The following SLC2A10 variants were observed in gnomAD, a reference collection of about 807,000 sequenced individuals.
The protein encoded by SLC2A10 is solute carrier family 2, facilitated glucose transporter member 10.
Under a neutral mutation model 32.1 loss-of-function variants are expected in SLC2A10, and 25 were observed. The observed-to-expected ratio is 0.78, with a 90% CI of 0.57 to 1.09. The LOEUF is 1.09. Among genes scored for constraint, SLC2A10 ranks in the 50% least tolerant of loss-of-function variants. The pLI is 0.00. For synonymous variants in SLC2A10, 332 were observed against 309.6 expected, an observed-to-expected ratio of 1.07 and a Z score of -0.76; for missense variants, 673 against 686.5, an observed-to-expected ratio of 0.98 and a Z score of 0.22.
At chr20:46,709,799 C>G in intron 1 of SLC2A10, 59 bp downstream of exon 1, 1 of 1,539,804 alleles carries the variant, frequency 6.5e-7, no homozygotes. Context: ...GGTGTAGACA[C>G]CGCCCCCACG....
In SLC2A10 at chr20:46,717,117, G is replaced by T. The variant is rs1979292792; in HGVS notation, c.4+7377G>T. 3.3e-5 allele frequency among the ~76,000 whole-genome samples: 5 copies of T among 152,296 alleles called. No individual in the cohort carries two copies. In the South Asian group the frequency reaches 1.0e-3, roughly 32 times the overall value. On this transcript the variant is annotated intron_variant, in intron 1 of 4. Coordinates refer to ENST00000359271, the MANE Select transcript of SLC2A10 (RefSeq NM_030777.4). ...TGGCTAGTGACTATCATATTGCACA[G>T]CATGGTTATAGAAATTTCTGTCATT... is the stretch of plus-strand genomic sequence containing the variant.
intron 3 of SLC2A10, among the ~76,000 whole-genome samples, chr20:46,728,307 G>A (rs139474065): frequency 2.9e-3 from 440 of 152,268 alleles, no homozygotes; most frequent in African/African-American, 0.01. Context: ...AGGTATGGAC[G>A]TGGCTGTCAG....
intron 1 of SLC2A10, chr20:46,714,622 A>C (rs571832471): frequency 6.5e-6 from 1 of 152,798 alleles, no homozygotes; most frequent in Admixed American, 6.5e-5. Flanking sequence ...GAAAGCATAC[A>C]GTATGTGCCG....
intron 1 of SLC2A10, among the ~76,000 whole-genome samples, chr20:46,710,592 G>A (rs991101883): frequency 2.0e-5 from 3 of 152,196 alleles, no homozygotes; most frequent in Non-Finnish European, 4.4e-5. Context: ...GGAGTAGGAC[G>A]TTTTGGAGCT....
chr20:46,735,444 T>C lies in SLC2A10; in HGVS notation c.*1610T>C, dbSNP rs1352059901. On this transcript the variant is annotated 3_prime_UTR_variant, in exon 5 of 5. Transcript: ENST00000359271. ...GATTTAAATTTATAATTAAGTAAAT[T>C]ACATTAAAACAAAAAAATTATACTC... The C allele has an allele frequency of 6.6e-6, 1 of 152,462 alleles. No homozygotes were observed. The highest frequency in any genetic ancestry group is 2.4e-5 in the African/African-American group (1 of 41,446). The allele number at this position is 152,462 out of a possible 1,614,324, so 9.4% of individuals were successfully genotyped here.
At chr20:46,708,565 C>A (rs1054187175), upstream of SLC2A10, among the ~76,000 whole-genome samples, 1 of 152,192 alleles carries the variant, frequency 6.6e-6, no homozygotes, top group African/African-American at 2.4e-5. Context: ...TAAGTTCTTA[C>A]GGAGCATATA....
Position 46,726,075 on chromosome 20 carries a change from C to T in SLC2A10, c.1039C>T (p.Leu347=). 1.2e-6 allele frequency: 2 copies of T among 1,614,252 alleles called. No individual in the cohort carries two copies. Among genetic ancestry groups the T allele is most frequent in the Non-Finnish European group, 1.7e-6 (2 of 1,180,042 alleles). ...GACAGGCCTCCCTGGAGACTCTGGCCTGCTGCAGGACTCCTCTCTACCTCC... is the reference window on the plus strand; with the variant it reads ...GACAGGCCTCCCTGGAGACTCTGGCTTGCTGCAGGACTCCTCTCTACCTCC... ...GQTGLPGDSG[L]LQDSSLPPIP... is the part of the protein sequence containing the mutation. Residue 347 remains leucine (L), a synonymous_variant, in exon 2 of 5, where the codon CTG becomes TTG. Coordinates refer to ENST00000359271, the MANE Select transcript of SLC2A10 (RefSeq NM_030777.4).
intron 1 of SLC2A10, among the ~76,000 whole-genome samples, chr20:46,717,951 G>A (rs1864628364): frequency 6.6e-6 from 1 of 152,130 alleles, no homozygotes. Flanking sequence ...GCCATGCATG[G>A]TGACTCACGC....
rs1461036468 is a variant in SLC2A10, at chr20:46,729,855, C to G, written c.1547+367C>G. Among the ~76,000 whole-genome samples the G allele has an allele frequency of 2.0e-5, 3 of 152,082 alleles. No individual in the cohort carries two copies. In the South Asian group the frequency reaches 6.2e-4, roughly 32 times the overall value. ...GACGGGGTTTCACCGTGGTCTCGATCTCCTGACCTCGTGATCCGCCCGCCT... is the reference window on the plus strand; with the variant it reads ...GACGGGGTTTCACCGTGGTCTCGATGTCCTGACCTCGTGATCCGCCCGCCT... On this transcript the variant is annotated intron_variant, in intron 4 of 4. Transcript: ENST00000359271.
chr20:46,726,096 C>A lies in SLC2A10; in HGVS notation c.1060C>A (p.Pro354Thr). Residue 354 changes from proline (P) to threonine (T), a missense_variant, in exon 2 of 5, where the codon CCT becomes ACT. Physicochemically the swap from Pro to Thr is conservative, Grantham distance 38 (BLOSUM62 -1). Coordinates refer to ENST00000359271, the MANE Select transcript of SLC2A10 (RefSeq NM_030777.4). ...DSGLLQDSSLPPIPRTNEDQR... is the reference protein window; with the variant it reads ...DSGLLQDSSLTPIPRTNEDQR... ...TGGCCTGCTGCAGGACTCCTCTCTA[C>A]CTCCCATTCCAAGGACCAATGAGGA... The A allele has an allele frequency of 1.2e-6, 2 of 1,614,262 alleles. No homozygotes were observed. Among genetic ancestry groups the A allele is most frequent in the Non-Finnish European group, 1.7e-6 (2 of 1,180,042 alleles).
At chr20:46,727,554 C>G (rs1980046519) in intron 3 of SLC2A10, among the ~76,000 whole-genome samples, 1 of 152,118 alleles carries the variant, frequency 6.6e-6, no homozygotes, top group African/African-American at 2.4e-5. Flanking sequence ...CTCCTGACCT[C>G]AAGTGATCCA....
chr20:46,708,465 G>A (rs942681613), upstream of SLC2A10, among the ~76,000 whole-genome samples: 2 of 152,128 alleles, frequency 1.3e-5, no homozygotes, highest in African/African-American at 4.8e-5. Context: ...ATTTCCACGT[G>A]GATGCCTGCT....
intron 1 of SLC2A10, among the ~76,000 whole-genome samples, chr20:46,723,546 C>G (rs1409475115): frequency 1.3e-5 from 2 of 152,124 alleles, no homozygotes; most frequent in African/African-American, 4.8e-5. Flanking sequence ...AATAGATGAC[C>G]GATTTGTTTC....
chr20:46,727,608 G>A (rs1980049677), intron 3 of SLC2A10, among the ~76,000 whole-genome samples: 1 of 152,160 alleles, frequency 6.6e-6, no homozygotes, highest in Admixed American at 6.5e-5. Context: ...GAGCCACCGT[G>A]TCTGGCCTGG....
rs1471404012 is a variant in SLC2A10 at position 46,723,138 on chromosome 20, C to A, written c.5-1903C>A. Among the ~76,000 whole-genome samples the A allele has an allele frequency of 2.0e-5, 3 of 152,082 alleles. No individual in the cohort carries two copies. The South Asian group carries it at 6.2e-4, about 32-fold the overall frequency. ...TGGTAGGCTTACTGCCATCAGGGAC[C>A]CATTCTTCTTCTATATTTCCATCCT... is the stretch of plus-strand genomic sequence containing the variant. On this transcript the variant is annotated intron_variant, in intron 1 of 4. Transcript: ENST00000359271.
upstream of SLC2A10, chr20:46,709,560 G>C (rs1348833594): frequency 2.7e-6 from 2 of 753,612 alleles, no homozygotes; most frequent in Non-Finnish European, 3.9e-6. Context: ...TCCAGGCCTC[G>C]GGGCCTGGCT....
intron 1 of SLC2A10, 161 bp downstream of exon 1, chr20:46,709,901 G>C: frequency 1.3e-6 from 1 of 749,386 alleles, no homozygotes; most frequent in Non-Finnish European, 2.2e-6. Flanking sequence ...GCAGGCCTGC[G>C]GCGGGGGCTG....
chr20:46,730,239 G>A (rs963513415), intron 4 of SLC2A10, among the ~76,000 whole-genome samples: 4 of 152,198 alleles, frequency 2.6e-5, no homozygotes, highest in Non-Finnish European at 2.9e-5. Context: ...ACAGTGTTCA[G>A]AGCCTTAGGA....
At position 46,733,974 on chromosome 20, in the gene SLC2A10, G is replaced by T; in HGVS notation, c.*140G>T. Reference sequence around the variant, plus strand: ...CCCCCAAAGGTGGTCTGCTTTTGCTGGGGTAAAAAGGATGAAAGTCTGAGA... The same window carrying T: ...CCCCCAAAGGTGGTCTGCTTTTGCTTGGGTAAAAAGGATGAAAGTCTGAGA... On this transcript the variant is annotated 3_prime_UTR_variant, in exon 5 of 5. Transcript: ENST00000359271. 2.6e-6 allele frequency: 2 copies of T among 770,658 alleles called. No individual in the cohort carries two copies. The highest frequency in any genetic ancestry group is 4.5e-6 in the Non-Finnish European group (2 of 446,724). The allele number at this position is 770,658 out of a possible 1,614,324, so 47.7% of individuals were successfully genotyped here.
Sources: gnomAD v4.1 joint callset for allele counts (sites outside exome capture counted in the v4.1 genomes callset) on GRCh38, gnomAD v4.1.1 for gene constraint, MANE v1.5 for transcripts, NCBI Gene and HGNC (gene_info 2026-07-23, HGNC 2026-07-21) for gene names.